The following GARIN5A variants were observed in gnomAD, a reference collection of about 807,000 sequenced individuals.
GARIN5A encodes the protein golgi associated RAB2 interactor 5A, also known as Golgi-associated RAB2 interactor protein 5A.
the GARIN5A span, among the ~76,000 whole-genome samples, chr19:50,467,267 T>C: frequency 2.0e-5 from 3 of 151,930 alleles, no homozygotes; most frequent in African/African-American, 4.8e-5. Flanking sequence ...GCTGTGTGTG[T>C]TCCCAAGTAG....
chr19:50,475,835 G>T, the GARIN5A span: 1 of 1,611,340 alleles, frequency 6.2e-7, no homozygotes, highest in Non-Finnish European at 8.5e-7. Context: ...CTCCCTACCT[G>T]TACGAAGTTG....
the GARIN5A span, among the ~76,000 whole-genome samples, chr19:50,468,852 C>T: frequency 5.9e-5 from 9 of 152,134 alleles, no homozygotes; most frequent in Admixed American, 2.6e-4. Context: ...GTGATCCTCT[C>T]GTCTCTCAAA....
At chr19:50,475,721 G>C in the GARIN5A span, 1 of 798,270 alleles carries the variant, frequency 1.3e-6, no homozygotes, top group Admixed American at 2.1e-5. Context: ...TAGGAGTTGG[G>C]AGTCGGGAAT....
the GARIN5A span, among the ~76,000 whole-genome samples, chr19:50,467,156 T>C: frequency 2.6e-5 from 4 of 152,104 alleles, no homozygotes; most frequent in African/African-American, 9.7e-5. Flanking sequence ...GAACTGGACA[T>C]TGGGCCTGGC....
chr19:50,475,162 T>G, the GARIN5A span: 54 of 1,099,700 alleles, frequency 4.9e-5, no homozygotes, highest in Non-Finnish European at 6.0e-5. Context: ...CCCTGAGGGC[T>G]GCTCTGTCCT....
the GARIN5A span, chr19:50,476,360 T>A: frequency 6.4e-7 from 1 of 1,572,802 alleles, no homozygotes; most frequent in South Asian, 1.2e-5. Context: ...GGGCGGCTCC[T>A]GGAGATCAGG....
the GARIN5A span, chr19:50,476,441 G>A: frequency 4.1e-5 from 63 of 1,553,070 alleles, no homozygotes; most frequent in South Asian, 7.4e-4. Flanking sequence ...CAGGTGCCGG[G>A]GCCCAGCGCA....
chr19:50,472,411 G>T, the GARIN5A span, among the ~76,000 whole-genome samples: 14 of 152,092 alleles, frequency 9.2e-5, 1 homozygote, highest in East Asian at 2.7e-3. Context: ...GGTGAGTCCT[G>T]AGGCCAAATT....
chr19:50,476,417 C>A, the GARIN5A span: 3 of 1,546,154 alleles, frequency 1.9e-6, no homozygotes, highest in South Asian at 3.6e-5. Context: ...CAGGTGCGGA[C>A]GGGTGCCAGT....
chr19:50,472,068 G>GTATA, the GARIN5A span, among the ~76,000 whole-genome samples: 614 of 96,766 alleles, frequency 6.3e-3, 9 homozygotes, highest in East Asian at 0.042. Flanking sequence ...GTGTGTATAT[G>GTATA]TGTATATATA....
chr19:50,473,236 G>A, the GARIN5A span, among the ~76,000 whole-genome samples: 17 of 152,302 alleles, frequency 1.1e-4, no homozygotes, highest in Middle Eastern at 6.8e-3. Context: ...AAGGAACTGT[G>A]GACCTTCATG....
At chr19:50,470,189 A>G in the GARIN5A span, among the ~76,000 whole-genome samples, 20 of 152,200 alleles carry the variant, frequency 1.3e-4, no homozygotes, top group African/African-American at 4.6e-4. Context: ...GGTGTCTAAG[A>G]CAGCAGAGCA....
the GARIN5A span, chr19:50,476,375 A>T: frequency 1.3e-6 from 2 of 1,565,710 alleles, no homozygotes; most frequent in South Asian, 2.4e-5. Context: ...ATCAGGCCAA[A>T]GGGGCGGCCC....
the GARIN5A span, among the ~76,000 whole-genome samples, chr19:50,468,823 C>G: frequency 1.2e-4 from 18 of 152,316 alleles, no homozygotes; most frequent in African/African-American, 4.3e-4. Context: ...CCAGGCTGGT[C>G]TCCAACTCCT....
the GARIN5A span, chr19:50,476,112 C>T: frequency 6.2e-7 from 1 of 1,612,586 alleles, no homozygotes; most frequent in South Asian, 1.1e-5. Context: ...CCCTCTAGGC[C>T]TGGCTCCCCT....
chr19:50,467,231 G>A, the GARIN5A span, among the ~76,000 whole-genome samples: 1 of 152,086 alleles, frequency 6.6e-6, no homozygotes, highest in African/African-American at 2.4e-5. Flanking sequence ...GTCACGGGGA[G>A]AGGGGCTGGG....
the GARIN5A span, among the ~76,000 whole-genome samples, chr19:50,469,296 G>A: frequency 6.6e-6 from 1 of 152,198 alleles, no homozygotes; most frequent in East Asian, 1.9e-4. Context: ...CCCCCTCATC[G>A]CCCTGTGTTT....
the GARIN5A span, among the ~76,000 whole-genome samples, chr19:50,474,099 G>A: frequency 6.6e-6 from 1 of 152,176 alleles, no homozygotes; most frequent in African/African-American, 2.4e-5. Flanking sequence ...AAAAGGAACA[G>A]CTTCTGCTGT....
the GARIN5A span, among the ~76,000 whole-genome samples, chr19:50,474,058 G>A: frequency 6.6e-6 from 1 of 152,228 alleles, no homozygotes; most frequent in Non-Finnish European, 1.5e-5. Flanking sequence ...AGTGTTTGTA[G>A]CTGGAGTTGG....
Sources: allele counts gnomAD v4.1 joint callset (sites outside exome capture counted in the v4.1 genomes callset), GRCh38; gene constraint gnomAD v4.1.1; transcripts MANE v1.5; gene names NCBI Gene and HGNC (gene_info 2026-07-23, HGNC 2026-07-21).